Variants in SOS1 observed in about 807,000 individuals in gnomAD.
The protein encoded by SOS1 is son of sevenless homolog 1.
SOS1 carries 25 observed loss-of-function variants against 157.6 expected under a neutral mutation model. That is an observed-to-expected ratio of 0.16 (90% CI 0.12 to 0.22). SOS1 has a LOEUF of 0.22. Ranked by LOEUF, SOS1 falls within the 10% of genes least tolerant of loss-of-function variation. The probability of loss-of-function intolerance (pLI) is 1.00; values close to 1 mark genes in which losing one functional copy is unlikely to be tolerated. For synonymous variants in SOS1, 528 were observed against 534.0 expected, an observed-to-expected ratio of 0.99 and a Z score of 0.16; for missense variants, 1,237 against 1,599.1, an observed-to-expected ratio of 0.77 and a Z score of 3.86.
rs1002744865 is a variant in SOS1, at chr2:39,120,836, C to G, written c.-414G>C. On this transcript the variant is annotated 5_prime_UTR_variant, in exon 1 of 23. Transcript: ENST00000402219. ...GGGGAGGACGTGTGGAGGGACGCTC[C>G]GGCCGCGGCGCCCGCTCCGCGTAGT... Among the ~76,000 whole-genome samples, 4 of 151,238 alleles carry G rather than the reference C, an allele frequency of 2.6e-5. No homozygotes were observed. The South Asian group carries it at 8.3e-4, about 31-fold the overall frequency.
chr2:39,124,029 G>C (rs1673988348), upstream of SOS1: 1 of 152,348 alleles, frequency 6.6e-6, no homozygotes, highest in Non-Finnish European at 1.5e-5. Context: ...TTGGGCCGTA[G>C]ACAGGGCGGG....
In SOS1 at chr2:38,982,662, A is replaced by G. The variant is rs185552361; in HGVS notation, c.*3162T>C. On this transcript the variant is annotated 3_prime_UTR_variant, in exon 23 of 23. Transcript: ENST00000402219. ...AAAGGTTTTCTTCAATATGTACAAC[A>G]CTAATAAATTGGGACACTCCTCCTA... 11 of 152,304 alleles carry G rather than the reference A, an allele frequency of 7.2e-5. No individual in the cohort carries two copies. The highest frequency in any genetic ancestry group is 2.6e-4 in the African/African-American group (11 of 41,582). The allele number at this position is 152,304 out of a possible 1,614,324, so 9.4% of individuals were successfully genotyped here. A position where few individuals can be genotyped will look rare whatever the true frequency, so the allele number is the denominator to read the frequency against.
chr2:39,088,671 C>A (rs1021904737), intron 1 of SOS1, among the ~76,000 whole-genome samples: 1 of 152,148 alleles, frequency 6.6e-6, no homozygotes, highest in Non-Finnish European at 1.5e-5. Flanking sequence ...CTTTCTAGGG[C>A]TGAATAGTAT....
chr2:39,006,277 G>A, intron 17 of SOS1, 135 bp downstream of exon 17: 1 of 693,510 alleles, frequency 1.4e-6, no homozygotes, highest in African/African-American at 1.8e-5. Flanking sequence ...AATTCTAAAG[G>A]GCTTCAGGTG....
intron 8 of SOS1, among the ~76,000 whole-genome samples, chr2:39,025,830 G>A (rs1669943068): frequency 6.6e-6 from 1 of 152,082 alleles, no homozygotes; most frequent in African/African-American, 2.4e-5. Context: ...CTGATGACCT[G>A]TGAAAAGTAA....
chr2:38,994,826 T>C (rs1668840255), intron 20 of SOS1, among the ~76,000 whole-genome samples: 1 of 152,200 alleles, frequency 6.6e-6, no homozygotes, highest in Admixed American at 6.5e-5. Context: ...CTTTGTCTCC[T>C]CTGGATAAGA....
intron 2 of SOS1, among the ~76,000 whole-genome samples, chr2:39,064,924 AT>A (rs571068363): frequency 2.4e-3 from 316 of 132,050 alleles, no homozygotes; most frequent in Middle Eastern, 7.9e-3. Context: ...ATTTTTTTGT[AT>A]TTTTTTTTTT....
chr2:39,093,652 AAGG>A (rs1672668657), intron 1 of SOS1, among the ~76,000 whole-genome samples: 2 of 152,236 alleles, frequency 1.3e-5, no homozygotes, highest in Admixed American at 6.5e-5. Context: ...AGCAAACAGC[AAGG>A]AGACCAGTGT....
rs2124479023 is a variant in SOS1, at chr2:38,997,043, A to G, written c.2965-5T>C. On this transcript the variant is annotated splice_region_variant and splice_polypyrimidine_tract_variant and intron_variant, in intron 18 of 22. Transcript: ENST00000402219. Reference sequence around the variant, plus strand: ...ATTCAAGTTTTCAAAGAACCTCTAAAATAAATGCAAAGAAAAAATTATTAA... The same window carrying G: ...ATTCAAGTTTTCAAAGAACCTCTAAGATAAATGCAAAGAAAAAATTATTAA... 7.1e-7 allele frequency: 1 copy of G among 1,412,168 alleles called. No homozygotes were observed. 87.5% of individuals were successfully genotyped at this position (1,412,168 alleles called of 1,614,324 possible). A position where few individuals can be genotyped will look rare whatever the true frequency, so the allele number is the denominator to read the frequency against.
intron 2 of SOS1, among the ~76,000 whole-genome samples, chr2:39,061,212 T>A (rs1671388474): frequency 6.9e-6 from 1 of 145,122 alleles, no homozygotes. Flanking sequence ...GGAGACAATG[T>A]CAAGGGTCAA....
At chr2:39,052,862 T>G (rs561350326) in intron 5 of SOS1, among the ~76,000 whole-genome samples, 2 of 152,110 alleles carry the variant, frequency 1.3e-5, no homozygotes, top group Non-Finnish European at 2.9e-5. Context: ...TATAAAGAAC[T>G]GCCAAACTGG....
At chr2:39,012,404 A>G in intron 13 of SOS1, 56 bp from the exon 14 acceptor site, 1 of 812,648 alleles carries the variant, frequency 1.2e-6, no homozygotes, top group African/African-American at 1.8e-5. Flanking sequence ...AATATTTTAT[A>G]TTTTAAAAAT....
At chr2:39,008,293 C>T (rs533987000) in intron 15 of SOS1, among the ~76,000 whole-genome samples, 66 of 152,172 alleles carry the variant, frequency 4.3e-4, no homozygotes, top group Admixed American at 9.2e-4. Context: ...AGACCTCAGG[C>T]TGCAGTAGCA....
In SOS1 at chr2:39,117,891, C is replaced by T. The variant is rs547925882; in HGVS notation, c.87+2445G>A. 1.0e-3 allele frequency among the ~76,000 whole-genome samples: 152 copies of T among 152,238 alleles called. 1 individual carries two copies. The highest frequency in any genetic ancestry group is 3.5e-3 in the African/African-American group (147 of 41,536). On this transcript the variant is annotated intron_variant, in intron 1 of 22. Coordinates refer to ENST00000402219, the MANE Select transcript of SOS1 (RefSeq NM_005633.4). ...AAACCAGTCAAATGTAACAATAAAG[C>T]CATTAATCGAGAAGAAAAACTGAAA...
At chr2:39,032,185 GTATTGT>G (rs1288843173) in intron 8 of SOS1, among the ~76,000 whole-genome samples, 1 of 152,082 alleles carries the variant, frequency 6.6e-6, no homozygotes, top group African/African-American at 2.4e-5. Flanking sequence ...AATATGCAAT[GTATTGT>G]TATTAACTGT....
chr2:39,070,381 T>G (rs981043696), intron 1 of SOS1, among the ~76,000 whole-genome samples: 2 of 152,208 alleles, frequency 1.3e-5, no homozygotes, highest in African/African-American at 4.8e-5. Flanking sequence ...CATACTCTAT[T>G]CAATTTCTTC....
chr2:39,009,289 T>G (rs892997054), intron 15 of SOS1, among the ~76,000 whole-genome samples: 1 of 152,152 alleles, frequency 6.6e-6, no homozygotes, highest in African/African-American at 2.4e-5. Flanking sequence ...GATAGAGCCA[T>G]TGTTCAAAAA....
chr2:39,049,354 G>A (rs1417907496), intron 6 of SOS1, among the ~76,000 whole-genome samples: 4 of 152,116 alleles, frequency 2.6e-5, no homozygotes, highest in Middle Eastern at 3.2e-3. Context: ...TATACTACAT[G>A]AGTTATTTCA....
chr2:39,044,247 G>T (rs1670675242), intron 6 of SOS1, among the ~76,000 whole-genome samples: 1 of 152,174 alleles, frequency 6.6e-6, no homozygotes, highest in African/African-American at 2.4e-5. Flanking sequence ...AACTACTGGG[G>T]TGGCTGAGGC....
Sources: allele counts gnomAD v4.1 joint callset (sites outside exome capture counted in the v4.1 genomes callset), GRCh38; gene constraint gnomAD v4.1.1; transcripts MANE v1.5; gene names NCBI Gene and HGNC (gene_info 2026-07-23, HGNC 2026-07-21).